The following KCNIP4 variants were observed in gnomAD, a reference collection of about 807,000 sequenced individuals.
KCNIP4 encodes the protein potassium voltage-gated channel interacting protein 4.
KCNIP4 carries 12 observed loss-of-function variants against 34.0 expected under a neutral mutation model. The ratio of observed to expected loss-of-function variants is 0.35; its 90% CI spans 0.23 to 0.57. The LOEUF is 0.57. Ranked by LOEUF, KCNIP4 falls within the 20% of genes least tolerant of loss-of-function variation. The pLI, the probability that KCNIP4 is intolerant of heterozygous loss-of-function variation, is 0.83. For synonymous variants in KCNIP4, 124 were observed against 102.2 expected, an observed-to-expected ratio of 1.21 and a Z score of -1.29; for missense variants, 238 against 311.7, an observed-to-expected ratio of 0.76 and a Z score of 1.78.
At chr4:21,898,113 T>A in intron 1 of KCNIP4, among the ~76,000 whole-genome samples, 1 of 152,110 alleles carries the variant, frequency 6.6e-6, no homozygotes, top group Middle Eastern at 3.2e-3. Context: ...AAAGTGTCCA[T>A]CCCATTGGTC....
chr4:20,747,421 C>G (rs994786031), intron 5 of KCNIP4, among the ~76,000 whole-genome samples: 2 of 152,114 alleles, frequency 1.3e-5, no homozygotes, highest in Non-Finnish European at 2.9e-5. Context: ...AAACTTGTTT[C>G]TAAAGTGAAG....
chr4:21,281,138 G>A (rs1243530592), intron 1 of KCNIP4, among the ~76,000 whole-genome samples: 2 of 147,522 alleles, frequency 1.4e-5, no homozygotes, highest in African/African-American at 5.1e-5. Context: ...CCAGGCAGGA[G>A]TGCAGTGGCG....
intron 1 of KCNIP4, among the ~76,000 whole-genome samples, chr4:21,552,111 A>G (rs1407212194): frequency 6.6e-6 from 1 of 151,808 alleles, no homozygotes; most frequent in African/African-American, 2.4e-5. Flanking sequence ...TATTTTCAAC[A>G]GCGATTAGGT....
chr4:21,655,398 A>G (rs762915549), intron 1 of KCNIP4, among the ~76,000 whole-genome samples: 1 of 152,084 alleles, frequency 6.6e-6, no homozygotes, highest in Non-Finnish European at 1.5e-5. Flanking sequence ...AACACATTTT[A>G]CAAGCAGGGA....
intron 3 of KCNIP4, among the ~76,000 whole-genome samples, chr4:20,777,309 C>A (rs759023644): frequency 4.6e-5 from 7 of 152,106 alleles, no homozygotes; most frequent in Non-Finnish European, 1.0e-4. Flanking sequence ...AGCATGGGGG[C>A]AACTGCCCCC....
chr4:21,052,361 C>T (rs1406501319), intron 1 of KCNIP4, among the ~76,000 whole-genome samples: 2 of 152,114 alleles, frequency 1.3e-5, no homozygotes, highest in African/African-American at 4.8e-5. Context: ...CCCCAAACCT[C>T]CTGATATTGT....
At chr4:21,908,731 A>G (rs1728135456) in intron 1 of KCNIP4, among the ~76,000 whole-genome samples, 1 of 152,158 alleles carries the variant, frequency 6.6e-6, no homozygotes, top group African/African-American at 2.4e-5. Context: ...TCTCAATTTA[A>G]TCAGAAATCA....
intron 1 of KCNIP4, among the ~76,000 whole-genome samples, chr4:21,735,764 G>A (rs1442524253): frequency 1.3e-5 from 2 of 152,146 alleles, no homozygotes; most frequent in Non-Finnish European, 2.9e-5. Context: ...GTCACGCGAA[G>A]AATGGGGACT....
chr4:21,467,117 CAA>C (rs1491559314), intron 1 of KCNIP4, among the ~76,000 whole-genome samples: 17,553 of 123,708 alleles, frequency 0.14, 1,085 homozygotes, highest in Non-Finnish European at 0.18. Flanking sequence ...CACACACACA[CAA>C]AACAGAACAT....
rs540811649 is a variant in KCNIP4, at chr4:20,770,991, C to T, written c.289-12101G>A. ...TGAAAAACAATATAACAACTATTTA[C>T]ACAGCATTTCCATGTATTAGTTATT... On this transcript the variant is annotated intron_variant, in intron 3 of 8. Coordinates refer to ENST00000382152, the MANE Select transcript of KCNIP4 (RefSeq NM_025221.6). 4.6e-5 allele frequency among the ~76,000 whole-genome samples: 7 copies of T among 152,228 alleles called. No homozygotes were observed. In the East Asian group the frequency reaches 1.4e-3, roughly 29 times the overall value.
chr4:21,210,993 C>A (rs1319491223), intron 1 of KCNIP4, among the ~76,000 whole-genome samples: 1 of 151,968 alleles, frequency 6.6e-6, no homozygotes, highest in Non-Finnish European at 1.5e-5. Context: ...GATTTGTAAG[C>A]AATATTAAGC....
chr4:21,524,812 G>T (rs910194941), intron 1 of KCNIP4, among the ~76,000 whole-genome samples: 4 of 150,900 alleles, frequency 2.7e-5, no homozygotes, highest in Non-Finnish European at 5.9e-5. Flanking sequence ...TTTATTTTTT[G>T]CATCATGCGT....
At chr4:21,403,172 G>A (rs1366009828) in intron 1 of KCNIP4, among the ~76,000 whole-genome samples, 1 of 152,178 alleles carries the variant, frequency 6.6e-6, no homozygotes, top group East Asian at 1.9e-4. Context: ...TCTGTCTCCA[G>A]GGTGTTTCTT....
intron 3 of KCNIP4, among the ~76,000 whole-genome samples, chr4:20,820,392 G>A (rs901589059): frequency 6.6e-6 from 1 of 152,204 alleles, no homozygotes; most frequent in South Asian, 2.1e-4. Context: ...AAACTGCTAA[G>A]CAAAATATTG....
chr4:20,801,639 G>A (rs1714249648), intron 3 of KCNIP4, among the ~76,000 whole-genome samples: 2 of 152,120 alleles, frequency 1.3e-5, no homozygotes, highest in East Asian at 3.9e-4. Context: ...ACTATAAGAT[G>A]TTTTATGTAA....
rs532858988 is a variant in KCNIP4 at position 20,764,032 on chromosome 4, T to A, written c.289-5142A>T. ...CTAAGGATCCAAGAAGCAGTAGGGT[T>A]CCTGGGTTTAGGGATAGTAAGAAAT... On this transcript the variant is annotated intron_variant, in intron 3 of 8. Coordinates refer to ENST00000382152, the MANE Select transcript of KCNIP4 (RefSeq NM_025221.6). Among the ~76,000 whole-genome samples the A allele has an allele frequency of 2.0e-4, 31 of 152,314 alleles. No individual in the cohort carries two copies. The South Asian group carries it at 6.4e-3, about 32-fold the overall frequency.
At chr4:21,903,674 A>G (rs140962228) in intron 1 of KCNIP4, among the ~76,000 whole-genome samples, 8 of 152,280 alleles carry the variant, frequency 5.3e-5, no homozygotes, top group African/African-American at 1.9e-4. Context: ...CAAAATCAAC[A>G]GAAGGAAAGA....
chr4:21,303,348 G>C (rs149909008), intron 1 of KCNIP4, among the ~76,000 whole-genome samples: 1 of 152,072 alleles, frequency 6.6e-6, no homozygotes, highest in African/African-American at 2.4e-5. Flanking sequence ...TCATTCTCAG[G>C]CTCCAACCTT....
intron 6 of KCNIP4, among the ~76,000 whole-genome samples, chr4:20,733,081 C>A (rs1272564060): frequency 6.6e-6 from 1 of 152,156 alleles, no homozygotes; most frequent in Non-Finnish European, 1.5e-5. Context: ...GTTTGGATTT[C>A]TATAGACTTT....
Sources: allele counts gnomAD v4.1 joint callset (sites outside exome capture counted in the v4.1 genomes callset), GRCh38; gene constraint gnomAD v4.1.1; transcripts MANE v1.5; gene names NCBI Gene and HGNC (gene_info 2026-07-23, HGNC 2026-07-21).